Variants in KIAA0319 observed in about 807,000 individuals in gnomAD.
KIAA0319 encodes dyslexia-associated protein KIAA0319.
KIAA0319 carries 83 observed loss-of-function variants against 108.4 expected under a neutral mutation model. The ratio of observed to expected loss-of-function variants is 0.77; its 90% CI spans 0.64 to 0.92. The LOEUF (loss-of-function observed/expected upper bound fraction) is 0.92, where lower values mean the gene tolerates loss of function less well. Among genes scored for constraint, KIAA0319 ranks in the 40% least tolerant of loss-of-function variants. The probability of loss-of-function intolerance (pLI) is 0.00; values close to 1 mark genes in which losing one functional copy is unlikely to be tolerated. For missense variants in KIAA0319, 1,195 were observed against 1,322.4 expected, an observed-to-expected ratio of 0.90 and a Z score of 1.49; for synonymous variants, 484 against 510.4, an observed-to-expected ratio of 0.95 and a Z score of 0.70.
rs141077772 is a variant in KIAA0319 at position 24,560,736 on chromosome 6, T to G, written c.2592-1581A>C. Among the ~76,000 whole-genome samples, 8 of 152,330 alleles carry G rather than the reference T, an allele frequency of 5.3e-5. No individual in the cohort carries two copies. In the East Asian group the frequency reaches 1.3e-3, roughly 26 times the overall value. On this transcript the variant is annotated intron_variant, in intron 16 of 20. Transcript: ENST00000378214. ...ACATGGTGTTCTTCCTGTGTGCCTC[T>G]CTCTATGTCTCTTGTCCTCTTCTTA...
At chr6:24,588,543 T>G in intron 4 of KIAA0319, 50 bp downstream of exon 4, 1 of 1,514,950 alleles carries the variant, frequency 6.6e-7, no homozygotes, top group Non-Finnish European at 9.1e-7. Flanking sequence ...CACCAAATTC[T>G]ACAGCCTGTC....
intron 16 of KIAA0319, among the ~76,000 whole-genome samples, 198 bp from the exon 17 acceptor site, chr6:24,559,353 T>A (rs1389626645): frequency 6.6e-6 from 1 of 152,238 alleles, no homozygotes; most frequent in Admixed American, 6.5e-5. Flanking sequence ...AACGTACAGC[T>A]GATCAAAGAC....
intron 1 of KIAA0319, among the ~76,000 whole-genome samples, chr6:24,607,991 T>A (rs993168924): frequency 6.6e-6 from 1 of 152,048 alleles, no homozygotes; most frequent in Non-Finnish European, 1.5e-5. Flanking sequence ...ATTTAAAAAA[T>A]AAACAGAAGA....
intron 1 of KIAA0319, 84 bp from the exon 2 acceptor site, chr6:24,601,292 A>T (rs1487826326): frequency 6.4e-6 from 9 of 1,404,014 alleles, no homozygotes; most frequent in Non-Finnish European, 8.3e-6. Context: ...TCATTCATTC[A>T]TGTCAGTGGG....
At chr6:24,612,340 AC>A (rs1772454604) in intron 1 of KIAA0319, among the ~76,000 whole-genome samples, 1 of 151,492 alleles carries the variant, frequency 6.6e-6, no homozygotes. Context: ...AATGCCAGCT[AC>A]TCGGGAGGCT....
rs375441945 is a variant in KIAA0319 at position 24,581,032 on chromosome 6, T to G, written c.1192-19A>C. ...CGGACAACTGTAACATAAAGAAAAG[T>G]TGTACAGTTCAACATGCAAGACGTG... On this transcript the variant is annotated intron_variant, in intron 6 of 20. Coordinates refer to ENST00000378214, the MANE Select transcript of KIAA0319 (RefSeq NM_014809.4). The G allele has an allele frequency of 3.3e-5, 51 of 1,532,576 alleles. No homozygotes were observed. The highest frequency in any genetic ancestry group is 4.6e-5 in the Non-Finnish European group (51 of 1,106,932). The allele number at this position is 1,532,576 out of a possible 1,614,324, so 94.9% of individuals were successfully genotyped here.
chr6:24,599,938 C>T lies in KIAA0319; in HGVS notation c.55+1111G>A. ...AGCCGACCCGCGGGAGAGTTCACTG[C>T]CTGGGGTATCCCCCTTTGCCCATGC... On this transcript the variant is annotated intron_variant, in intron 2 of 20. Coordinates refer to ENST00000378214, the MANE Select transcript of KIAA0319 (RefSeq NM_014809.4). This position sits in a 1 kb window ranked among gnomAD's most constrained non-coding sequence, Gnocchi z 4.1. 4.0e-6 allele frequency: 1 copy of T among 248,578 alleles called. No individual in the cohort carries two copies. The highest frequency in any genetic ancestry group is 7.8e-6 in the Non-Finnish European group (1 of 127,832). 15.4% of individuals were successfully genotyped at this position (248,578 alleles called of 1,614,324 possible).
rs532182327 is a variant in KIAA0319, at chr6:24,646,051, G to C, written c.-421C>G. On this transcript the variant is annotated 5_prime_UTR_variant, in exon 1 of 21. Transcript: ENST00000378214. The stretch of plus-strand genomic sequence containing the variant: ...CGCTCTCACCTCCGGCAGTGACAGC[G>C]AGCGCCGCCGCCGCTCTGCGCGGGG... The C allele has an allele frequency of 6.5e-6, 1 of 152,724 alleles. No individual in the cohort carries two copies. Among genetic ancestry groups the C allele is most frequent in the Non-Finnish European group, 1.5e-5 (1 of 68,496 alleles). 9.5% of individuals were successfully genotyped at this position (152,724 alleles called of 1,614,324 possible). A position where few individuals can be genotyped will look rare whatever the true frequency, so the allele number is the denominator to read the frequency against.
At chr6:24,576,707 C>G (rs1315044883) in intron 9 of KIAA0319, 111 bp from the exon 10 acceptor site, 1 of 828,544 alleles carries the variant, frequency 1.2e-6, no homozygotes, top group Non-Finnish European at 2.0e-6. Context: ...ATCGCTTGAG[C>G]CCAGGAGTTC....
At chr6:24,590,600 A>AT (rs999214553) in intron 3 of KIAA0319, among the ~76,000 whole-genome samples, 6 of 151,636 alleles carry the variant, frequency 4.0e-5, no homozygotes, top group East Asian at 1.9e-4. Flanking sequence ...GATGAATTGA[A>AT]TTTTTTTTTA....
At chr6:24,605,788 A>G (rs1771312913) in intron 1 of KIAA0319, among the ~76,000 whole-genome samples, 1 of 151,802 alleles carries the variant, frequency 6.6e-6, no homozygotes, top group Non-Finnish European at 1.5e-5. Flanking sequence ...TCTGATCTGT[A>G]TTTTCTATTT....
At chr6:24,627,270 T>C (rs1412278602) in intron 1 of KIAA0319, among the ~76,000 whole-genome samples, 1 of 152,182 alleles carries the variant, frequency 6.6e-6, no homozygotes, top group Non-Finnish European at 1.5e-5. Flanking sequence ...TCCTTATGTG[T>C]ACAGTGCAGA....
Position 24,599,627 on chromosome 6 carries a change from A to G in KIAA0319, c.55+1422T>C, listed in dbSNP as rs2127531563. 1 of 625,276 alleles carries G rather than the reference A, an allele frequency of 1.6e-6. No homozygotes were observed. The highest frequency in any genetic ancestry group is 3.0e-6 in the Non-Finnish European group (1 of 337,510). The allele number at this position is 625,276 out of a possible 1,614,324, so 38.7% of individuals were successfully genotyped here. Reference sequence around the variant, plus strand: ...GTGGCTACTCAGGTGAGCTGAGCTCAGCCTATGGGGGCCTCAGCTACAGCC... The same window carrying G: ...GTGGCTACTCAGGTGAGCTGAGCTCGGCCTATGGGGGCCTCAGCTACAGCC... On this transcript the variant is annotated intron_variant, in intron 2 of 20. Transcript: ENST00000378214. This position sits in a 1 kb window ranked among gnomAD's most constrained non-coding sequence, Gnocchi z 4.1.
rs554576709 is a variant in KIAA0319, at chr6:24,639,116, T to C, written c.-106+6620A>G. On this transcript the variant is annotated intron_variant, in intron 1 of 20. Transcript: ENST00000378214. ...AGGGAAAAAATATGTAAAGAGATAATGGCAAACAATTTTCTAGAATTGATG... is the reference window on the plus strand; with the variant it reads ...AGGGAAAAAATATGTAAAGAGATAACGGCAAACAATTTTCTAGAATTGATG... 2.6e-4 allele frequency among the ~76,000 whole-genome samples: 39 copies of C among 152,228 alleles called. No individual in the cohort carries two copies. In the South Asian group the frequency reaches 8.1e-3, roughly 32 times the overall value.
At chr6:24,569,028 A>G (rs1324313629) in intron 12 of KIAA0319, 99 bp from the exon 13 acceptor site, 1 of 1,190,550 alleles carries the variant, frequency 8.4e-7, no homozygotes, top group Non-Finnish European at 1.2e-6. Flanking sequence ...TGTTCCAGCT[A>G]TAATATATAC....
chr6:24,579,511 A>G (rs536796924), intron 8 of KIAA0319, among the ~76,000 whole-genome samples: 3 of 145,288 alleles, frequency 2.1e-5, no homozygotes, highest in African/African-American at 7.6e-5. Context: ...TCTCATATAT[A>G]TCTTATATAT....
chr6:24,610,435 G>A (rs1435515118), intron 1 of KIAA0319, among the ~76,000 whole-genome samples: 2 of 152,180 alleles, frequency 1.3e-5, no homozygotes, highest in Non-Finnish European at 2.9e-5. Flanking sequence ...AATTAAAAAC[G>A]TTGTCAAGCA....
chr6:24,567,973 ATC>A (rs1764132881), intron 13 of KIAA0319, among the ~76,000 whole-genome samples: 1 of 152,130 alleles, frequency 6.6e-6, no homozygotes, highest in Non-Finnish European at 1.5e-5. Context: ...ATGGTTGAAA[ATC>A]TCTACAATAA....
intron 1 of KIAA0319, among the ~76,000 whole-genome samples, chr6:24,604,206 T>C (rs1276192245): frequency 1.3e-5 from 2 of 152,220 alleles, no homozygotes; most frequent in African/African-American, 2.4e-5. Context: ...TTGCCACCAA[T>C]AACTCCCTTT....
Sources: allele counts gnomAD v4.1 joint callset (sites outside exome capture counted in the v4.1 genomes callset), GRCh38; gene constraint gnomAD v4.1.1; non-coding constraint Gnocchi (gnomAD v3.1); transcripts MANE v1.5; gene names NCBI Gene and HGNC (gene_info 2026-07-23, HGNC 2026-07-21).